SLIT2: variants seen among roughly 807,000 people sequenced by gnomAD.
SLIT2 encodes the protein slit guidance ligand 2.
A neutral mutation model predicts 185.7 loss-of-function variants in SLIT2; 41 were observed. The ratio of observed to expected loss-of-function variants is 0.22; its 90% CI spans 0.17 to 0.29. SLIT2 has a LOEUF of 0.29. SLIT2 is among the 10% of genes least tolerant of loss of function. SLIT2 has a pLI of 1.00. For missense variants in SLIT2, 1,571 were observed against 1,909.0 expected (o/e 0.82, Z 3.30); for synonymous variants, 693 against 680.2 (o/e 1.02, Z -0.29).
chr4:20,509,225 C>G (rs987973767), intron 9 of SLIT2, among the ~76,000 whole-genome samples: 1 of 151,634 alleles, frequency 6.6e-6, no homozygotes, highest in African/African-American at 2.4e-5. Context: ...GAGCTCATGC[C>G]AGTTGAGCTT....
chr4:20,592,614 G>A (rs918768820), intron 30 of SLIT2, among the ~76,000 whole-genome samples: 5 of 152,186 alleles, frequency 3.3e-5, no homozygotes, highest in Non-Finnish European at 5.9e-5. Flanking sequence ...TATGGTGGAT[G>A]TGTTGTTCTC....
intron 4 of SLIT2, among the ~76,000 whole-genome samples, chr4:20,368,122 G>T (rs1723261986): frequency 1.3e-5 from 2 of 148,650 alleles, no homozygotes; most frequent in African/African-American, 5.0e-5. Context: ...TTGAAGCTGA[G>T]AAACTTTTAA....
chr4:20,590,216 G>A (rs1319456742), intron 30 of SLIT2, among the ~76,000 whole-genome samples: 1 of 152,020 alleles, frequency 6.6e-6, no homozygotes, highest in African/African-American at 2.4e-5. Flanking sequence ...CAGACTTTTT[G>A]TTTAGTACAC....
At chr4:20,378,565 ACTC>A (rs1399851605) in intron 4 of SLIT2, among the ~76,000 whole-genome samples, 4 of 152,124 alleles carry the variant, frequency 2.6e-5, no homozygotes, top group Non-Finnish European at 5.9e-5. Flanking sequence ...TATCACATAA[ACTC>A]AGTAGTTGCT....
chr4:20,342,921 CT>C (rs940747205), intron 4 of SLIT2, among the ~76,000 whole-genome samples: 5 of 151,548 alleles, frequency 3.3e-5, no homozygotes, highest in African/African-American at 9.7e-5. Context: ...TCTTTTCTTT[CT>C]TTTTTTCTTT....
At chr4:20,574,223 G>A (rs958026191) in intron 29 of SLIT2, among the ~76,000 whole-genome samples, 2 of 151,934 alleles carry the variant, frequency 1.3e-5, no homozygotes, top group African/African-American at 4.8e-5. Flanking sequence ...CCAAGTGCTG[G>A]GATTACAGGT....
chr4:20,434,232 A>G (rs899976193), intron 4 of SLIT2, among the ~76,000 whole-genome samples: 1 of 152,152 alleles, frequency 6.6e-6, no homozygotes, highest in Non-Finnish European at 1.5e-5. Flanking sequence ...TCACACCTGT[A>G]ATCCCAGCAC....
intron 4 of SLIT2, among the ~76,000 whole-genome samples, chr4:20,453,205 A>G (rs1267982286): frequency 1.3e-5 from 2 of 152,196 alleles, no homozygotes; most frequent in Non-Finnish European, 2.9e-5. Flanking sequence ...CAGAAACTGT[A>G]TATGATGGAT....
At chr4:20,310,319 A>T (rs1577408013) in intron 4 of SLIT2, among the ~76,000 whole-genome samples, 1 of 151,944 alleles carries the variant, frequency 6.6e-6, no homozygotes, top group African/African-American at 2.4e-5. Flanking sequence ...AACATTAGCA[A>T]CTCAAATTTA....
chr4:20,458,428 A>G (rs1234596061), intron 4 of SLIT2, among the ~76,000 whole-genome samples: 1 of 152,216 alleles, frequency 6.6e-6, no homozygotes, highest in East Asian at 1.9e-4. Context: ...TGGGTTACCA[A>G]CATGGGGTTC....
At position 20,484,556 on chromosome 4, in the gene SLIT2, G is replaced by T. The variant is rs982224427; in HGVS notation, c.540-1644G>T. On this transcript the variant is annotated intron_variant, in intron 6 of 36. Coordinates refer to ENST00000504154, the MANE Select transcript of SLIT2 (RefSeq NM_004787.4). This position sits in a 1 kb window ranked among gnomAD's most constrained non-coding sequence, Gnocchi z 4.3. Reference sequence around the variant, plus strand: ...CCATGCATGATCTGGGTCTCTAGCTGACATGCCCTGTTTTACTGAAAAGTT... The same window carrying T: ...CCATGCATGATCTGGGTCTCTAGCTTACATGCCCTGTTTTACTGAAAAGTT... Among the ~76,000 whole-genome samples, 1 of 152,062 alleles carries T rather than the reference G, an allele frequency of 6.6e-6. No homozygotes were observed. Among genetic ancestry groups the T allele is most frequent in the Non-Finnish European group, 1.5e-5 (1 of 67,992 alleles).
intron 4 of SLIT2, among the ~76,000 whole-genome samples, chr4:20,405,374 A>G (rs947303771): frequency 6.6e-6 from 1 of 152,018 alleles, no homozygotes; most frequent in African/African-American, 2.4e-5. Context: ...GAATTCTCAG[A>G]AAGTTTTGAA....
intron 32 of SLIT2, among the ~76,000 whole-genome samples, chr4:20,596,893 A>T (rs566715056): frequency 1.6e-4 from 24 of 152,194 alleles, no homozygotes; most frequent in Admixed American, 7.2e-4. Flanking sequence ...TAAAAAAAAA[A>T]ATATGTCTCT....
intron 4 of SLIT2, among the ~76,000 whole-genome samples, chr4:20,313,827 G>A (rs945532013): frequency 1.3e-5 from 2 of 152,076 alleles, no homozygotes; most frequent in African/African-American, 2.4e-5. Context: ...ACGAGGTGGC[G>A]CTCAGGCGGC....
In SLIT2 at chr4:20,286,497, A is replaced by G. The variant is rs1577370512; in HGVS notation, c.395+17616A>G. Reference sequence around the variant, plus strand: ...AGTCCTCTGCCTAATGGCCAGAAGTATCCTCCTAAAGTACAGCTAGGAGGC... The same window carrying G: ...AGTCCTCTGCCTAATGGCCAGAAGTGTCCTCCTAAAGTACAGCTAGGAGGC... On this transcript the variant is annotated intron_variant, in intron 4 of 36. Coordinates refer to ENST00000504154, the MANE Select transcript of SLIT2 (RefSeq NM_004787.4). Among the ~76,000 whole-genome samples, 9 of 152,208 alleles carry G rather than the reference A, an allele frequency of 5.9e-5. No individual in the cohort carries two copies. The South Asian group carries it at 1.9e-3, about 32-fold the overall frequency.
chr4:20,458,546 C>G (rs182249407), intron 4 of SLIT2, among the ~76,000 whole-genome samples: 11 of 152,296 alleles, frequency 7.2e-5, no homozygotes, highest in Non-Finnish European at 1.6e-4. Context: ...GCTCAGAAGT[C>G]TGTTTTTTAA....
At chr4:20,531,177 T>C (rs916682833) in intron 16 of SLIT2, among the ~76,000 whole-genome samples, 8 of 152,112 alleles carry the variant, frequency 5.3e-5, no homozygotes, top group African/African-American at 1.9e-4. Context: ...GTGCACACCA[T>C]GTTCATAGCA....
intron 9 of SLIT2, among the ~76,000 whole-genome samples, chr4:20,495,411 A>G (rs1429496000): frequency 6.6e-6 from 1 of 152,194 alleles, no homozygotes; most frequent in African/African-American, 2.4e-5. Context: ...ATCATAGGGA[A>G]GGGGAACAAA....
At chr4:20,351,850 G>T (rs58918138) in intron 4 of SLIT2, among the ~76,000 whole-genome samples, 12,943 of 152,220 alleles carry the variant, frequency 0.085, 597 homozygotes, top group Middle Eastern at 0.18. Context: ...GTCAGCAGAG[G>T]TCTATAAATG....
Sources: allele counts gnomAD v4.1 joint callset (sites outside exome capture counted in the v4.1 genomes callset), GRCh38; gene constraint gnomAD v4.1.1; non-coding constraint Gnocchi (gnomAD v3.1); transcripts MANE v1.5; gene names NCBI Gene and HGNC (gene_info 2026-07-23, HGNC 2026-07-21).